DPH6: variants seen among roughly 807,000 people sequenced by gnomAD.
DPH6 encodes diphthine--ammonia ligase.
In DPH6, 33 loss-of-function variants were observed where a neutral mutation model predicts 38.2. The observed-to-expected ratio is 0.86, with a 90% CI of 0.65 to 1.15. DPH6 has a LOEUF of 1.15. Ranked by LOEUF, DPH6 falls within the 50% of genes most tolerant of loss-of-function variation. DPH6 has a pLI of 0.00. For synonymous variants in DPH6, 108 were observed against 103.0 expected (o/e 1.05, Z -0.30); for missense variants, 325 against 320.0 (o/e 1.02, Z -0.12).
chr15:35,298,277 G>T, intron 3 of DPH6: 1 of 566,612 alleles, frequency 1.8e-6, no homozygotes, highest in Non-Finnish European at 3.5e-6. Context: ...CCAAGATACT[G>T]AATTTTTCCA....
intron 3 of DPH6, among the ~76,000 whole-genome samples, chr15:35,250,587 A>G (rs1436119247): frequency 6.6e-6 from 1 of 152,214 alleles, no homozygotes; most frequent in Non-Finnish European, 1.5e-5. Flanking sequence ...TTGAATTTCT[A>G]TTATCAGAAT....
At position 35,454,832 on chromosome 15, in the gene DPH6, GA is replaced by G. The variant is rs772108409; in HGVS notation, c.313-13del. The G allele has an allele frequency of 3.7e-5, 59 of 1,577,020 alleles. No homozygotes were observed. The South Asian group carries it at 5.1e-4, about 14-fold the overall frequency. On this transcript the variant is annotated splice_polypyrimidine_tract_variant and intron_variant, in intron 3 of 8. Transcript: ENST00000256538. Reference sequence around the variant, plus strand: ...ACTTCTTCTTTTTCCTGAAAATAAAGAAAAAAACCATAACTTTAAAAATAAA... The same window carrying G: ...ACTTCTTCTTTTTCCTGAAAATAAAGAAAAAACCATAACTTTAAAAATAAA...
chr15:35,453,531 C>T (rs905458518), intron 4 of DPH6, among the ~76,000 whole-genome samples: 5 of 152,134 alleles, frequency 3.3e-5, no homozygotes, highest in African/African-American at 1.2e-4. Flanking sequence ...CAATTCATCT[C>T]CATCTGCAGA....
chr15:35,330,188 T>A (rs1441373620), downstream of DPH6, among the ~76,000 whole-genome samples: 1 of 152,158 alleles, frequency 6.6e-6, no homozygotes, highest in African/African-American at 2.4e-5. Flanking sequence ...AGCTTCTTTA[T>A]CATTCCGTAT....
chr15:35,436,273 T>C (rs2053701291), intron 5 of DPH6, among the ~76,000 whole-genome samples: 1 of 151,356 alleles, frequency 6.6e-6, no homozygotes, highest in South Asian at 2.1e-4. Flanking sequence ...AAGACCATCT[T>C]GGCTAACATG....
At chr15:35,223,885 C>T (rs955869204) in intron 3 of DPH6, among the ~76,000 whole-genome samples, 2 of 151,838 alleles carry the variant, frequency 1.3e-5, no homozygotes, top group Admixed American at 6.6e-5. Context: ...TACAGAATAA[C>T]GTAACTGCCT....
chr15:35,176,731 A>G, the DPH6 span, among the ~76,000 whole-genome samples: 2 of 152,148 alleles, frequency 1.3e-5, no homozygotes, highest in African/African-American at 2.4e-5. Context: ...TTGGCCTCCC[A>G]AAGTGCTGGG....
rs964178477 is a variant in DPH6 at position 35,298,326 on chromosome 15, T to C, written n.200+75195A>G. The C allele has an allele frequency of 9.7e-6, 6 of 617,960 alleles. No individual in the cohort carries two copies. In the African/African-American group the frequency reaches 1.1e-4, roughly 11 times the overall value. The allele number at this position is 617,960 out of a possible 1,614,324, so 38.3% of individuals were successfully genotyped here. A position where few individuals can be genotyped will look rare whatever the true frequency, so the allele number is the denominator to read the frequency against. On this transcript the variant is annotated intron_variant and non_coding_transcript_variant, in intron 3 of 3. Coordinates refer to the DPH6 transcript ENST00000560386. ...TGCATTTGCCACCTGTCCACCAAAATACCTCCCATTCGAGTCAATAACCGC... is the reference window on the plus strand; with the variant it reads ...TGCATTTGCCACCTGTCCACCAAAACACCTCCCATTCGAGTCAATAACCGC...
At chr15:35,344,028 A>C (rs962464536) in intron 3 of DPH6, among the ~76,000 whole-genome samples, 1 of 152,042 alleles carries the variant, frequency 6.6e-6, no homozygotes, top group Non-Finnish European at 1.5e-5. Flanking sequence ...CTTCATGTTT[A>C]ATAACAGTTA....
chr15:35,292,100 T>G (rs1022691348), intron 3 of DPH6, among the ~76,000 whole-genome samples: 6 of 152,122 alleles, frequency 3.9e-5, no homozygotes, highest in Non-Finnish European at 7.4e-5. Flanking sequence ...GTAAAAAAAT[T>G]ATCAATACAA....
At chr15:35,271,245 T>C (rs2051820567) in intron 3 of DPH6, among the ~76,000 whole-genome samples, 1 of 151,982 alleles carries the variant, frequency 6.6e-6, no homozygotes. Context: ...TCAATGGAGT[T>C]AAACAAACAA....
intron 6 of DPH6, among the ~76,000 whole-genome samples, chr15:35,383,936 A>G (rs2052906319): frequency 1.3e-5 from 2 of 152,258 alleles, no homozygotes; most frequent in South Asian, 2.1e-4. Flanking sequence ...GAATCTTTGT[A>G]GCACAAAAGC....
chr15:35,320,187 T>C (rs1485565269), intron 3 of DPH6, among the ~76,000 whole-genome samples: 1 of 152,198 alleles, frequency 6.6e-6, no homozygotes, highest in African/African-American at 2.4e-5. Flanking sequence ...TTCTGAAATT[T>C]CATTTATTTC....
At chr15:35,354,866 T>A (rs1039026660) in intron 3 of DPH6, among the ~76,000 whole-genome samples, 1 of 152,142 alleles carries the variant, frequency 6.6e-6, no homozygotes, top group African/African-American at 2.4e-5. Flanking sequence ...TGTTGATCTG[T>A]CTAATATTGA....
chr15:35,208,963 T>A, the DPH6 span, among the ~76,000 whole-genome samples: 1 of 152,160 alleles, frequency 6.6e-6, no homozygotes, highest in Non-Finnish European at 1.5e-5. Context: ...AAACAAGGTA[T>A]ATCTTTTCAC....
chr15:35,525,790 C>G (rs547463860), intron 3 of DPH6, among the ~76,000 whole-genome samples: 10 of 152,116 alleles, frequency 6.6e-5, no homozygotes, highest in African/African-American at 2.4e-4. Flanking sequence ...CAGTGAGCCA[C>G]GATAGCTCCA....
the DPH6 span, among the ~76,000 whole-genome samples, chr15:35,175,356 A>G: frequency 1.3e-5 from 2 of 152,204 alleles, no homozygotes; most frequent in Admixed American, 1.3e-4. Flanking sequence ...AAATTCACTC[A>G]CAAAGTTATT....
At chr15:35,302,114 T>C (rs2052058586) in intron 3 of DPH6, among the ~76,000 whole-genome samples, 1 of 152,150 alleles carries the variant, frequency 6.6e-6, no homozygotes, top group Non-Finnish European at 1.5e-5. Flanking sequence ...AAAACCATCA[T>C]ATCTAGAACT....
the DPH6 span, among the ~76,000 whole-genome samples, chr15:35,175,973 C>T: frequency 6.6e-6 from 1 of 152,176 alleles, no homozygotes. Flanking sequence ...AACTTTCAGA[C>T]ATGTTCTCTT....
Sources: allele counts gnomAD v4.1 joint callset (sites outside exome capture counted in the v4.1 genomes callset), GRCh38; gene constraint gnomAD v4.1.1; transcripts MANE v1.5; gene names NCBI Gene and HGNC (gene_info 2026-07-23, HGNC 2026-07-21).